Variants in ITPR3 observed in about 807,000 individuals in gnomAD.
ITPR3 encodes the protein inositol 1,4,5-trisphosphate receptor type 3.
In ITPR3, 173 loss-of-function variants were observed where a neutral mutation model predicts 293.2. The ratio of observed to expected loss-of-function variants is 0.59; its 90% confidence interval spans 0.52 to 0.67. The LOEUF is 0.67. Among genes scored for constraint, ITPR3 ranks in the 30% least tolerant of loss-of-function variants. The pLI is 0.00. For missense variants in ITPR3, 2,796 were observed against 3,592.1 expected (o/e 0.78, Z 5.66); for synonymous variants, 1,295 against 1,444.4 (o/e 0.90, Z 2.35).
chr6:33,662,946 G>T lies in ITPR3; in HGVS notation c.894G>T (p.Gly298=). Residue 298 remains glycine (G), a synonymous_variant, in exon 9 of 58, where the codon GGG becomes GGT. Transcript: ENST00000605930. ...VHHDPCRGGA[G]HWNGLYRFKH... The stretch of plus-strand genomic sequence containing the variant: ...ACGACCCCTGCCGTGGAGGAGCTGG[G>T]CACTGGAATGGCTTGTACCGCTTCA... 6.2e-7 allele frequency: 1 copy of T among 1,605,216 alleles called. No individual in the cohort carries two copies. Among genetic ancestry groups the T allele is most frequent in the Non-Finnish European group, 8.5e-7 (1 of 1,175,456 alleles).
At chr6:33,674,331 G>A in intron 24 of ITPR3, 66 bp downstream of exon 24, 1 of 1,515,406 alleles carries the variant, frequency 6.6e-7, no homozygotes, top group Non-Finnish European at 9.1e-7. Flanking sequence ...TCTTGGTCTG[G>A]TCTGGGTTCC....
intron 1 of ITPR3, among the ~76,000 whole-genome samples, chr6:33,636,197 G>A (rs1763819951): frequency 6.6e-6 from 1 of 151,696 alleles, no homozygotes; most frequent in African/African-American, 2.4e-5. Flanking sequence ...AGCTACTTGG[G>A]AGGCTGAGGC....
Position 33,683,417 on chromosome 6 carries a change from G to A in ITPR3, c.4788+20G>A. ...CTGCAGGTGGGTGTGGGGCTGCCTG[G>A]CATCTGCCTCGGGAGCTGCTTGGTT... On this transcript the variant is annotated intron_variant, in intron 35 of 57. Transcript: ENST00000605930. This position sits in a 1 kb window ranked among gnomAD's most constrained non-coding sequence, Gnocchi z 4.5. The A allele has an allele frequency of 4.0e-6, 6 of 1,505,180 alleles. No individual in the cohort carries two copies. The highest frequency in any genetic ancestry group is 4.5e-6 in the Non-Finnish European group (5 of 1,118,224). The allele number at this position is 1,505,180 out of a possible 1,614,324, so 93.2% of individuals were successfully genotyped here.
chr6:33,659,245 T>G, intron 6 of ITPR3, 126 bp downstream of exon 6: 1 of 954,946 alleles, frequency 1.0e-6, no homozygotes, highest in South Asian at 1.5e-5. Context: ...AAGCTGGGCC[T>G]CACGGCTTCT....
intron 24 of ITPR3, 73 bp downstream of exon 24, chr6:33,674,338 T>C (rs992946189): frequency 4.1e-6 from 6 of 1,466,682 alleles, no homozygotes; most frequent in Non-Finnish European, 5.7e-6. Flanking sequence ...CTGGTCTGGG[T>C]TCCTGGGCTG....
Position 33,688,443 on chromosome 6 carries a change from C to CGGG in ITPR3, c.6568+13_6568+15dup. The stretch of plus-strand genomic sequence containing the variant: ...GCGCAAGCTCCGCAGTGAGGACCCA[C>CGGG]GGGCGGGAGGGTGGGGCGGTCTGGA... On this transcript the variant is annotated intron_variant, in intron 48 of 57. Transcript: ENST00000605930. The CGGG allele has an allele frequency of 3.1e-5, 4 of 130,214 alleles. No individual in the cohort carries two copies. Among genetic ancestry groups the CGGG allele is most frequent in the South Asian group, 1.8e-4 (3 of 16,292 alleles). 8.1% of individuals were successfully genotyped at this position (130,214 alleles called of 1,614,324 possible). A position where few individuals can be genotyped will look rare whatever the true frequency, so the allele number is the denominator to read the frequency against.
chr6:33,682,475 C>A lies in ITPR3; in HGVS notation c.4477-49C>A. 6.8e-7 allele frequency: 1 copy of A among 1,469,868 alleles called. No homozygotes were observed. The highest frequency in any genetic ancestry group is 1.5e-5 in the South Asian group (1 of 68,414). 91.1% of individuals were successfully genotyped at this position (1,469,868 alleles called of 1,614,324 possible). ...CCCTGGTTCCTGGACCTGGGGTTGC[C>A]CAGGGTGGGGGCCTGGGCTGCAGCA... On this transcript the variant is annotated intron_variant, in intron 33 of 57. Transcript: ENST00000605930. The surrounding 1 kb of genome is among the most constrained non-coding windows in gnomAD (Gnocchi z 5.4).
chr6:33,671,033 C>T (rs905070672), intron 20 of ITPR3, 132 bp from the exon 21 acceptor site: 1 of 1,463,508 alleles, frequency 6.8e-7, no homozygotes, highest in East Asian at 2.3e-5. Flanking sequence ...CTGCTCCGCT[C>T]TCCCTCCTGG....
chr6:33,622,736 A>G (rs1198023323), intron 1 of ITPR3, among the ~76,000 whole-genome samples: 1 of 151,988 alleles, frequency 6.6e-6, no homozygotes. Flanking sequence ...TCAGCTCAGG[A>G]CTGATGCTGG....
chr6:33,693,826 CCTAT>C lies in ITPR3; in HGVS notation c.7785+124_7785+127del. The C allele has an allele frequency of 4.2e-6, 5 of 1,181,464 alleles. No homozygotes were observed. The South Asian group carries it at 7.6e-5, about 18-fold the overall frequency. The allele number at this position is 1,181,464 out of a possible 1,614,324, so 73.2% of individuals were successfully genotyped here. A position where few individuals can be genotyped will look rare whatever the true frequency, so the allele number is the denominator to read the frequency against. On this transcript the variant is annotated intron_variant, in intron 56 of 57. Transcript: ENST00000605930. ...ACCCTGGGCCCTGGAGAGGAGTGGC[CCTAT>C]CTGACTGTTGGCCCTAGGAGGCCAG... is the stretch of plus-strand genomic sequence containing the variant.
At chr6:33,686,604 T>G in intron 43 of ITPR3, 85 bp downstream of exon 43, 1 of 994,440 alleles carries the variant, frequency 1.0e-6, no homozygotes, top group East Asian at 2.4e-5. Context: ...CAAGTGTACA[T>G]AGTGGTGTGT....
At position 33,672,879 on chromosome 6, in the gene ITPR3, C is replaced by T. The variant is rs1764805718; in HGVS notation, c.2928+651C>T. Among the ~76,000 whole-genome samples, 1 of 152,166 alleles carries T rather than the reference C, an allele frequency of 6.6e-6. No homozygotes were observed. The highest frequency in any genetic ancestry group is 2.4e-5 in the African/African-American group (1 of 41,438). ...CCTGTTGTGGTCTCATCTGAGACTC[C>T]CCAGCCACACCCCAGGAAGGGGCTC... On this transcript the variant is annotated intron_variant, in intron 22 of 57. Transcript: ENST00000605930. This position sits in a 1 kb window ranked among gnomAD's most constrained non-coding sequence, Gnocchi z 5.0.
intron 7 of ITPR3, among the ~76,000 whole-genome samples, chr6:33,661,029 G>A (rs145658207): frequency 2.0e-5 from 3 of 152,296 alleles, no homozygotes; most frequent in South Asian, 2.1e-4. Context: ...TGGGGAATCC[G>A]TCATGGCTCC....
At chr6:33,677,656 C>A (rs1486895995) in intron 28 of ITPR3, 27 bp downstream of exon 28, 1 of 1,609,320 alleles carries the variant, frequency 6.2e-7, no homozygotes, top group East Asian at 2.2e-5. Context: ...ACCTCTGACT[C>A]CCCAGGGTGG....
At chr6:33,634,186 T>C (rs1212171552) in intron 1 of ITPR3, among the ~76,000 whole-genome samples, 2 of 152,036 alleles carry the variant, frequency 1.3e-5, no homozygotes, top group Non-Finnish European at 2.9e-5. Flanking sequence ...TGAGGGGAGC[T>C]TGGGGGCACG....
At chr6:33,659,594 C>T (rs1399796368) in intron 7 of ITPR3, 45 bp downstream of exon 7, 2 of 1,535,254 alleles carry the variant, frequency 1.3e-6, no homozygotes, top group Non-Finnish European at 1.8e-6. Context: ...CCACCTAGCC[C>T]TCCCCACCAG....
At position 33,632,747 on chromosome 6, in the gene ITPR3, C is replaced by T. The variant is rs1378208521; in HGVS notation, c.90-7737C>T. On this transcript the variant is annotated intron_variant, in intron 1 of 57. Transcript: ENST00000605930. This position sits in a 1 kb window ranked among gnomAD's most constrained non-coding sequence, Gnocchi z 4.1. ...TGCCTCCCAGTGGATGGAAGGCGCA[C>T]TGCAGGGACTGTTGTCCTCTGGGCT... is the stretch of plus-strand genomic sequence containing the variant. 6.6e-6 allele frequency among the ~76,000 whole-genome samples: 1 copy of T among 152,244 alleles called. No individual in the cohort carries two copies. Among genetic ancestry groups the T allele is most frequent in the Non-Finnish European group, 1.5e-5 (1 of 68,042 alleles).
chr6:33,636,451 T>G (rs963665347), intron 1 of ITPR3, among the ~76,000 whole-genome samples: 9 of 151,568 alleles, frequency 5.9e-5, no homozygotes, highest in Non-Finnish European at 1.2e-4. Context: ...GTGGTGAGAG[T>G]GACAAGAAGA....
At position 33,629,773 on chromosome 6, in the gene ITPR3, C is replaced by T. The variant is rs542404043; in HGVS notation, c.89+8082C>T. Among the ~76,000 whole-genome samples, 167 of 152,058 alleles carry T rather than the reference C, an allele frequency of 1.1e-3. 1 individual carries two copies. The highest frequency in any genetic ancestry group is 6.8e-3 in the Middle Eastern group (2 of 294). On this transcript the variant is annotated intron_variant, in intron 1 of 57. Transcript: ENST00000605930. ...GGGATTACAGGCGTGAGCCACCACG[C>T]CGGGCCTGACCATTGGTTTCTTTAA...
Sources: gnomAD v4.1 joint callset for allele counts (sites outside exome capture counted in the v4.1 genomes callset) on GRCh38, gnomAD v4.1.1 for gene constraint, Gnocchi (gnomAD v3.1) non-coding constraint, MANE v1.5 for transcripts, NCBI Gene and HGNC (gene_info 2026-07-23, HGNC 2026-07-21) for gene names.